The following CSNK2A2 variants were observed in gnomAD, a reference collection of about 807,000 sequenced individuals.
The protein encoded by CSNK2A2 is casein kinase II subunit alpha'.
In CSNK2A2, 8 loss-of-function variants were observed where a neutral mutation model predicts 54.0. The observed-to-expected ratio is 0.15, with a 90% CI of 0.09 to 0.27. The LOEUF (loss-of-function observed/expected upper bound fraction) is 0.27. Ranked by LOEUF, CSNK2A2 falls within the 10% of genes least tolerant of loss-of-function variation. The probability of loss-of-function intolerance (pLI) is 1.00; values close to 1 mark genes in which losing one functional copy is unlikely to be tolerated. For synonymous variants in CSNK2A2, 141 were observed against 153.9 expected, an observed-to-expected ratio of 0.92 and a Z score of 0.62; for missense variants, 242 against 439.4, an observed-to-expected ratio of 0.55 and a Z score of 4.02.
chr16:58,171,486 G>A (rs771102081), intron 5 of CSNK2A2, among the ~76,000 whole-genome samples: 8 of 151,952 alleles, frequency 5.3e-5, no homozygotes, highest in Non-Finnish European at 1.2e-4. Flanking sequence ...TCATGCCACC[G>A]CACTCCAGCC....
At chr16:58,163,958 G>A (rs1485879439) in intron 11 of CSNK2A2, 96 bp downstream of exon 11, 2 of 971,272 alleles carry the variant, frequency 2.1e-6, no homozygotes, top group African/African-American at 1.6e-5. Flanking sequence ...GCATTTAGAA[G>A]GAATGATAAG....
intron 4 of CSNK2A2, among the ~76,000 whole-genome samples, chr16:58,183,895 CA>C (rs1198910725): frequency 2.0e-5 from 3 of 152,150 alleles, no homozygotes; most frequent in Non-Finnish European, 4.4e-5. Flanking sequence ...CTTCTTTTCA[CA>C]AGGGCCTTGT....
intron 11 of CSNK2A2, chr16:58,161,222 G>A (rs996378171): frequency 3.3e-5 from 5 of 152,308 alleles, no homozygotes; most frequent in African/African-American, 1.2e-4. Context: ...AGGCTCACTT[G>A]TAGCCAACAA....
intron 3 of CSNK2A2, among the ~76,000 whole-genome samples, chr16:58,185,464 A>T (rs972202342): frequency 2.0e-5 from 3 of 152,232 alleles, no homozygotes; most frequent in African/African-American, 7.2e-5. Flanking sequence ...ACTTTAACAA[A>T]TTAAGTTCTG....
At chr16:58,182,554 C>CAAAAAAA (rs59002536) in intron 4 of CSNK2A2, among the ~76,000 whole-genome samples, 2 of 80,662 alleles carry the variant, frequency 2.5e-5, no homozygotes, top group Non-Finnish European at 5.3e-5. Context: ...GGCTCCGTCT[C>CAAAAAAA]AAAAAAAAAA....
intron 4 of CSNK2A2, among the ~76,000 whole-genome samples, chr16:58,178,551 G>C (rs564391150): frequency 6.6e-6 from 1 of 152,016 alleles, no homozygotes; most frequent in Non-Finnish European, 1.5e-5. Flanking sequence ...CAAAATGCTG[G>C]GATTACAGGC....
Position 58,170,919 on chromosome 16 carries a change from A to G in CSNK2A2, c.430-2226T>C. Among the ~76,000 whole-genome samples, 2 of 152,102 alleles carry G rather than the reference A, an allele frequency of 1.3e-5. 1 individual carries two copies. Among genetic ancestry groups the G allele is most frequent in the Admixed American group, 1.3e-4 (2 of 15,276 alleles). On this transcript the variant is annotated intron_variant, in intron 5 of 11. Coordinates refer to ENST00000262506, the MANE Select transcript of CSNK2A2 (RefSeq NM_001896.4). ...AACTTCAAATTCAGGACCTTTGGCT[A>G]ATCTTAACAAGCACCTGAATCCTAC...
chr16:58,184,336 T>G, intron 3 of CSNK2A2, 26 bp from the exon 4 acceptor site: 1 of 1,518,398 alleles, frequency 6.6e-7, no homozygotes, highest in South Asian at 1.2e-5. Flanking sequence ...TTAATGCTTT[T>G]TAAGTACCCA....
chr16:58,166,258 A>G (rs987911518), intron 9 of CSNK2A2, among the ~76,000 whole-genome samples: 1 of 152,218 alleles, frequency 6.6e-6, no homozygotes, highest in Non-Finnish European at 1.5e-5. Context: ...ATAATAAAAA[A>G]CAAACTAAGT....
intron 5 of CSNK2A2, among the ~76,000 whole-genome samples, chr16:58,171,006 C>A (rs1379725235): frequency 6.6e-6 from 1 of 152,032 alleles, no homozygotes; most frequent in Admixed American, 6.6e-5. Flanking sequence ...CTAGAGCCCC[C>A]CTCCAGTTTT....
chr16:58,197,842 G>A lies in CSNK2A2; in HGVS notation c.-106C>T, dbSNP rs1962514165. The A allele has an allele frequency of 1.2e-5, 2 of 160,584 alleles. No individual in the cohort carries two copies. The highest frequency in any genetic ancestry group is 5.1e-5 in the African/African-American group (2 of 39,356). 9.9% of individuals were successfully genotyped at this position (160,584 alleles called of 1,614,324 possible). On this transcript the variant is annotated 5_prime_UTR_variant, in exon 1 of 12. Transcript: ENST00000262506. This position sits in a 1 kb window ranked among gnomAD's most constrained non-coding sequence, Gnocchi z 4.0. ...GGAGGCAGCGGGCCGCCGGGCGCTG[G>A]AGGAGGAGGAGGAGGAGCGCGGCGG...
intron 4 of CSNK2A2, among the ~76,000 whole-genome samples, chr16:58,180,092 A>AG (rs1277347213): frequency 6.7e-6 from 1 of 149,644 alleles, no homozygotes; most frequent in African/African-American, 2.5e-5. Context: ...AAAAAAAAAA[A>AG]AAAGAAAAAG....
At chr16:58,190,753 G>A (rs1181280687) in intron 2 of CSNK2A2, among the ~76,000 whole-genome samples, 3 of 152,196 alleles carry the variant, frequency 2.0e-5, no homozygotes, top group Non-Finnish European at 2.9e-5. Flanking sequence ...GTGTTGGCAA[G>A]GATGTGGAGA....
At chr16:58,190,706 A>G (rs1962303489) in intron 2 of CSNK2A2, among the ~76,000 whole-genome samples, 1 of 152,236 alleles carries the variant, frequency 6.6e-6, no homozygotes, top group African/African-American at 2.4e-5. Flanking sequence ...ATCTCACACA[A>G]GTCAGGATAG....
At chr16:58,186,999 A>G in intron 2 of CSNK2A2, 143 bp from the exon 3 acceptor site, 1 of 619,926 alleles carries the variant, frequency 1.6e-6, no homozygotes, top group Non-Finnish European at 2.7e-6. Context: ...ATTTGAAAAA[A>G]CTGAAATAGA....
chr16:58,166,205 TG>T (rs1961557867), intron 9 of CSNK2A2, among the ~76,000 whole-genome samples: 1 of 152,192 alleles, frequency 6.6e-6, no homozygotes, highest in South Asian at 2.1e-4. Context: ...AAGAAGAAAT[TG>T]TAAGTCCACC....
chr16:58,166,472 G>C, intron 9 of CSNK2A2, 112 bp downstream of exon 9: 1 of 637,016 alleles, frequency 1.6e-6, no homozygotes, highest in Non-Finnish European at 2.7e-6. Flanking sequence ...GGAAAAAAGA[G>C]GGCTACTTCC....
intron 5 of CSNK2A2, among the ~76,000 whole-genome samples, chr16:58,172,698 T>C (rs912364921): frequency 6.6e-6 from 1 of 152,276 alleles, no homozygotes; most frequent in Admixed American, 6.5e-5. Flanking sequence ...ATGGAGTTAC[T>C]GACATGCTTT....
At chr16:58,179,187 G>C (rs1253277393) in intron 4 of CSNK2A2, among the ~76,000 whole-genome samples, 2 of 152,120 alleles carry the variant, frequency 1.3e-5, no homozygotes, top group Admixed American at 6.5e-5. Flanking sequence ...AAATGACTCA[G>C]CAAAAAGATA....
Sources: allele counts gnomAD v4.1 joint callset (sites outside exome capture counted in the v4.1 genomes callset), GRCh38; gene constraint gnomAD v4.1.1; non-coding constraint Gnocchi (gnomAD v3.1); transcripts MANE v1.5; gene names NCBI Gene and HGNC (gene_info 2026-07-23, HGNC 2026-07-21).